Variants in SRL observed in about 807,000 individuals in gnomAD.
The protein encoded by SRL is sarcalumenin.
SRL carries 23 observed loss-of-function variants against 39.5 expected under a neutral mutation model. That is an observed-to-expected ratio of 0.58 (90% confidence interval 0.42 to 0.82). SRL has a LOEUF of 0.82. Ranked by LOEUF, SRL falls within the 40% of genes least tolerant of loss-of-function variation. SRL has a pLI of 0.00. For synonymous variants in SRL, 272 were observed against 237.4 expected (o/e 1.15, Z -1.34); for missense variants, 592 against 607.8 (o/e 0.97, Z 0.27).
rs1033240705 is a variant in SRL, at chr16:4,189,555, C to G, written c.*2598G>C. ...CAAAGAGTCAGAATTCTGCTTAAAGCCCCCTCCACGGAGCTGGCCAGAAAC... is the reference window on the plus strand; with the variant it reads ...CAAAGAGTCAGAATTCTGCTTAAAGGCCCCTCCACGGAGCTGGCCAGAAAC... On this transcript the variant is annotated 3_prime_UTR_variant, in exon 6 of 6. Coordinates refer to ENST00000399609, the MANE Select transcript of SRL (RefSeq NM_001098814.2). The G allele has an allele frequency of 1.3e-5, 2 of 152,012 alleles. No individual in the cohort carries two copies. Among genetic ancestry groups the G allele is most frequent in the Admixed American group, 1.3e-4 (2 of 15,250 alleles). 9.4% of individuals were successfully genotyped at this position (152,012 alleles called of 1,614,324 possible). A position where few individuals can be genotyped will look rare whatever the true frequency, so the allele number is the denominator to read the frequency against.
chr16:4,196,349 T>C (rs1054859124), intron 4 of SRL, among the ~76,000 whole-genome samples: 16 of 152,138 alleles, frequency 1.1e-4, no homozygotes, highest in Non-Finnish European at 2.2e-4. Context: ...ACCATCCAGG[T>C]CCAGAATGTT....
intron 3 of SRL, 45 bp downstream of exon 3, chr16:4,203,121 G>A (rs368204585): frequency 6.4e-6 from 10 of 1,564,092 alleles, no homozygotes; most frequent in Non-Finnish European, 8.8e-6. Flanking sequence ...ACAGGCCTGC[G>A]CCGTACCCGT....
chr16:4,192,250 A>C lies in SRL; in HGVS notation c.1325T>G (p.Leu442Arg). The C allele has an allele frequency of 6.2e-7, 1 of 1,613,668 alleles. No individual in the cohort carries two copies. The highest frequency in any genetic ancestry group is 8.5e-7 in the Non-Finnish European group (1 of 1,179,802). ...ERAITQELPG[L>R]LGSLGLGKNP... Reference sequence around the variant, plus strand: ...CTTCCCGAGCCCGAGGCTACCCAGGAGGCCCGGAAGCTCCTGAGTGATGGC... The same window carrying C: ...CTTCCCGAGCCCGAGGCTACCCAGGCGGCCCGGAAGCTCCTGAGTGATGGC... The change falls in exon 6 of 6, where the codon CTC becomes CGC. Residue 442 changes from leucine (L) to arginine (R), a missense_variant. By Grantham distance (102) the Leu-to-Arg change is moderately radical. Coordinates refer to ENST00000399609, the MANE Select transcript of SRL (RefSeq NM_001098814.2). This position sits in a 1 kb window ranked among gnomAD's most constrained non-coding sequence, Gnocchi z 4.0.
intron 1 of SRL, among the ~76,000 whole-genome samples, chr16:4,210,553 C>T (rs1198985855): frequency 3.7e-5 from 5 of 135,276 alleles, no homozygotes; most frequent in African/African-American, 1.5e-4. Context: ...GCAGTGAACG[C>T]GATCTCGGTT....
chr16:4,204,407 A>ACAGCCCCGGCCTCTAAGAT (rs1555454444), intron 2 of SRL, 126 bp downstream of exon 2: 5 of 702,332 alleles, frequency 7.1e-6, no homozygotes, highest in African/African-American at 5.6e-5. Flanking sequence ...CCTCCAAGAT[A>ACAGCCCCGGCCTCTAAGAT]GATACAGCCC....
In SRL at chr16:4,192,984, G is replaced by T; in HGVS notation, c.611-20C>A. The T allele has an allele frequency of 6.3e-7, 1 of 1,593,382 alleles. No homozygotes were observed. Among genetic ancestry groups the T allele is most frequent in the Non-Finnish European group, 8.5e-7 (1 of 1,170,874 alleles). On this transcript the variant is annotated intron_variant, in intron 5 of 5. Transcript: ENST00000399609. The surrounding 1 kb of genome is among the most constrained non-coding windows in gnomAD (Gnocchi z 4.0). ...GGTAGCCTTTGGGAGACAGAAGTGA[G>T]AAGTCAAACTGAGTAGGCCTCCCTC...
intron 1 of SRL, among the ~76,000 whole-genome samples, chr16:4,238,385 C>T (rs1438318715): frequency 6.6e-6 from 1 of 152,138 alleles, no homozygotes; most frequent in Non-Finnish European, 1.5e-5. Context: ...TAGGCTGACT[C>T]TCCCCAGCCC....
At chr16:4,209,809 C>T (rs1372983130) in intron 1 of SRL, among the ~76,000 whole-genome samples, 1 of 152,168 alleles carries the variant, frequency 6.6e-6, no homozygotes, top group Non-Finnish European at 1.5e-5. Context: ...GATTTCAGAG[C>T]TGAATAAGTG....
chr16:4,240,790 T>G (rs369889158), intron 1 of SRL, among the ~76,000 whole-genome samples: 1 of 152,292 alleles, frequency 6.6e-6, no homozygotes, highest in East Asian at 1.9e-4. Context: ...TGGCAGCGGC[T>G]TGGGGCTCCG....
At chr16:4,228,401 A>G (rs550976106) in intron 1 of SRL, among the ~76,000 whole-genome samples, 1 of 151,860 alleles carries the variant, frequency 6.6e-6, no homozygotes, top group South Asian at 2.1e-4. Flanking sequence ...GCACCACTGC[A>G]CTCCAACCCG....
chr16:4,204,630 C>T lies in SRL; in HGVS notation c.66G>A (p.Glu22=). 1 of 1,614,028 alleles carries T rather than the reference C, an allele frequency of 6.2e-7. No individual in the cohort carries two copies. The highest frequency in any genetic ancestry group is 1.1e-5 in the South Asian group (1 of 91,084). ...GGGCTTCTTCATTTGCATCCTCCGT[C>T]TCTTCTGTGGAGAGAAGCAGACAGC... ...ASLLFSGQAE[E]TEDANEEAPL... is the part of the protein sequence containing the mutation. The change falls in exon 2 of 6, where the codon GAG becomes GAA. Residue 22 remains glutamate, a synonymous_variant. Coordinates refer to ENST00000399609, the MANE Select transcript of SRL (RefSeq NM_001098814.2).
chr16:4,234,706 T>G (rs1456480219), intron 1 of SRL, among the ~76,000 whole-genome samples: 2 of 152,228 alleles, frequency 1.3e-5, no homozygotes, highest in Admixed American at 1.3e-4. Context: ...CACAGGGGAC[T>G]GGGACCTCTC....
In SRL at chr16:4,192,158, G is replaced by A. The variant is rs1238624297; in HGVS notation, c.1417C>T (p.His473Tyr). 2 of 1,547,334 alleles carry A rather than the reference G, an allele frequency of 1.3e-6. No homozygotes were observed. Among genetic ancestry groups the A allele is most frequent in the African/African-American group, 1.4e-5 (1 of 72,806 alleles). The part of the protein sequence containing the change: ...SETPKNRYRK[H>Y] Reference sequence around the variant, plus strand: ...CCCAAGGACCGCTCCACCACCTAGTGCTTCCTGTAGCGATTTTTTGGTGTT... The same window carrying A: ...CCCAAGGACCGCTCCACCACCTAGTACTTCCTGTAGCGATTTTTTGGTGTT... Residue 473 changes from histidine to tyrosine, a missense_variant, in exon 6 of 6, where the codon CAC (histidine) becomes TAC (tyrosine). Transcript: ENST00000399609. This position sits in a 1 kb window ranked among gnomAD's most constrained non-coding sequence, Gnocchi z 4.0.
chr16:4,204,761 G>A, intron 1 of SRL, 127 bp from the exon 2 acceptor site: 1 of 711,770 alleles, frequency 1.4e-6, no homozygotes, highest in Non-Finnish European at 2.5e-6. Flanking sequence ...AGTTACACTG[G>A]ACTGAGCTCT....
At position 4,204,642 on chromosome 16, in the gene SRL, G is replaced by A. The variant is rs747557369; in HGVS notation, c.62-8C>T. The A allele has an allele frequency of 1.2e-6, 2 of 1,613,424 alleles. No individual in the cohort carries two copies. The highest frequency in any genetic ancestry group is 2.2e-5 in the East Asian group (1 of 44,878). ...TTGCATCCTCCGTCTCTTCTGTGGA[G>A]AGAAGCAGACAGCCAAGTGAGAGCA... On this transcript the variant is annotated splice_region_variant and splice_polypyrimidine_tract_variant and intron_variant, in intron 1 of 5. Transcript: ENST00000399609.
intron 3 of SRL, 141 bp downstream of exon 3, chr16:4,203,025 C>G: frequency 1.4e-6 from 1 of 730,690 alleles, no homozygotes; most frequent in African/African-American, 1.8e-5. Context: ...CCCAGACCCA[C>G]AAGTCCTTGC....
intron 1 of SRL, chr16:4,206,967 C>T (rs1349558934): frequency 4.4e-6 from 2 of 455,452 alleles, no homozygotes; most frequent in South Asian, 1.5e-5. Flanking sequence ...CTGGGGCTCC[C>T]CGCCTTCCTG....
chr16:4,198,564 C>T (rs997403056), intron 3 of SRL, among the ~76,000 whole-genome samples: 9 of 152,158 alleles, frequency 5.9e-5, no homozygotes, highest in African/African-American at 1.7e-4. Flanking sequence ...ACTTCAGCCT[C>T]CCAAGTAGTA....
rs971764815 is a variant in SRL at position 4,238,975 on chromosome 16, T to A, written c.61+3032A>T. Among the ~76,000 whole-genome samples, 3 of 152,248 alleles carry A rather than the reference T, an allele frequency of 2.0e-5. No individual in the cohort carries two copies. The East Asian group carries it at 5.8e-4, about 29-fold the overall frequency. On this transcript the variant is annotated intron_variant, in intron 1 of 5. Transcript: ENST00000399609. ...ATTAGCAAGACCCAGTCTAGTGCATTCCAGGCTCACTGTGGGACCAGATGT... is the reference window on the plus strand; with the variant it reads ...ATTAGCAAGACCCAGTCTAGTGCATACCAGGCTCACTGTGGGACCAGATGT...
Sources: gnomAD v4.1 joint callset for allele counts (sites outside exome capture counted in the v4.1 genomes callset) on GRCh38, gnomAD v4.1.1 for gene constraint, Gnocchi (gnomAD v3.1) non-coding constraint, MANE v1.5 for transcripts, NCBI Gene and HGNC (gene_info 2026-07-23, HGNC 2026-07-21) for gene names.